SCAF11: variants seen among roughly 807,000 people sequenced by gnomAD.
SCAF11 encodes the protein SR-related CTD associated factor 11.
A neutral mutation model predicts 140.5 loss-of-function variants in SCAF11; 47 were observed. The observed-to-expected ratio is 0.33, with a 90% CI of 0.26 to 0.43. The LOEUF (loss-of-function observed/expected upper bound fraction) is 0.43, where lower values mean the gene tolerates loss of function less well. Ranked by LOEUF, SCAF11 falls within the 20% of genes least tolerant of loss-of-function variation. The probability of loss-of-function intolerance (pLI) is 1.00; values close to 1 mark genes in which losing one functional copy is unlikely to be tolerated. For synonymous variants in SCAF11, 557 were observed against 579.4 expected, an observed-to-expected ratio of 0.96 and a Z score of 0.55; for missense variants, 1,645 against 1,705.1, an observed-to-expected ratio of 0.96 and a Z score of 0.62.
chr12:45,933,683 C>T (rs1161839350), intron 8 of SCAF11, among the ~76,000 whole-genome samples: 1 of 152,044 alleles, frequency 6.6e-6, no homozygotes, highest in Admixed American at 6.6e-5. Context: ...TTTCTTGGTA[C>T]CTTGCCAAGT....
intron 1 of SCAF11, among the ~76,000 whole-genome samples, chr12:45,966,754 G>A (rs980705243): frequency 1.4e-4 from 22 of 152,118 alleles, no homozygotes; most frequent in African/African-American, 5.3e-4. Flanking sequence ...ACAAAGAGAT[G>A]AATGACTGGA....
At position 45,926,155 on chromosome 12, in the gene SCAF11, TTCC is replaced by T. The variant is rs754630231; in HGVS notation, c.3543_3545del (p.Glu1182del). 9.2e-5 allele frequency: 149 copies of T among 1,611,684 alleles called. 3 individuals are homozygous for T. In the South Asian group the frequency reaches 1.5e-3, roughly 16 times the overall value. On this transcript the variant is annotated inframe_deletion, in exon 11 of 15. Coordinates refer to ENST00000369367, the MANE Select transcript of SCAF11 (RefSeq NM_004719.3). The stretch of plus-strand genomic sequence containing the variant: ...AGAATACATTACCCTGTCCAGATGT[TTCC>T]TCCTCTTGTTTCATCCATCCAGACT...
At chr12:45,972,865 GATAT>G (rs200069087) in intron 1 of SCAF11, among the ~76,000 whole-genome samples, 4 of 83,644 alleles carry the variant, frequency 4.8e-5, no homozygotes, top group Non-Finnish European at 9.4e-5. Context: ...TATATATATC[GATAT>G]ATATATATAT....
rs753941182 is a variant in SCAF11 at position 45,928,714 on chromosome 12, A to C, written c.987T>G (p.Ala329=). Residue 329 remains alanine, a synonymous_variant, in exon 11 of 15, where the codon GCT becomes GCG. Coordinates refer to ENST00000369367, the MANE Select transcript of SCAF11 (RefSeq NM_004719.3). ...PTRRSTRNTR[A]ETASQSQRSP... is the part of the protein sequence containing the mutation. ...ATCTCTGAGACTGACTGGCTGTTTC[A>C]GCTCTTGTGTTACGTGTAGACCTCC... 1 of 1,614,014 alleles carries C rather than the reference A, an allele frequency of 6.2e-7. No individual in the cohort carries two copies. The highest frequency in any genetic ancestry group is 1.1e-5 in the South Asian group (1 of 91,080).
intron 4 of SCAF11, 146 bp downstream of exon 4, chr12:45,951,504 G>T: frequency 2.0e-6 from 1 of 500,544 alleles, no homozygotes; most frequent in Non-Finnish European, 3.6e-6. Context: ...TAGTTGAAAG[G>T]TATAAATTTA....
intron 6 of SCAF11, among the ~76,000 whole-genome samples, chr12:45,936,143 TTTTG>T (rs1227104797): frequency 6.6e-6 from 1 of 151,576 alleles, no homozygotes. Context: ...GTGTGGTTTT[TTTTG>T]TTTTTTTTTT....
rs1333105366 is a variant in SCAF11 at position 45,920,996 on chromosome 12, T to A, written c.*1052A>T. On this transcript the variant is annotated 3_prime_UTR_variant, in exon 15 of 15. Transcript: ENST00000369367. ...AAGTCAACACTTTTTTTTTTCTTTT[T>A]TTTGAGACGGAGATTTGCTCCTGTT... 6.6e-6 allele frequency: 1 copy of A among 152,130 alleles called. No individual in the cohort carries two copies. The highest frequency in any genetic ancestry group is 1.9e-4 in the East Asian group (1 of 5,198). The allele number at this position is 152,130 out of a possible 1,614,324, so 9.4% of individuals were successfully genotyped here.
intron 1 of SCAF11, among the ~76,000 whole-genome samples, chr12:45,983,812 G>A (rs1233311834): frequency 1.4e-5 from 2 of 146,258 alleles, no homozygotes; most frequent in African/African-American, 5.0e-5. Context: ...TTACCTTACT[G>A]TCAAAATTAC....
At chr12:45,960,158 A>G (rs2136608296) in intron 3 of SCAF11, among the ~76,000 whole-genome samples, 1 of 152,294 alleles carries the variant, frequency 6.6e-6, no homozygotes, top group East Asian at 1.9e-4. Flanking sequence ...CTCTAGATAC[A>G]TACCCTAGAG....
Position 45,921,987 on chromosome 12 carries a change from G to C in SCAF11, c.*61C>G. The C allele has an allele frequency of 6.5e-7, 1 of 1,529,564 alleles. No homozygotes were observed. The highest frequency in any genetic ancestry group is 1.4e-5 in the African/African-American group (1 of 71,846). 94.7% of individuals were successfully genotyped at this position (1,529,564 alleles called of 1,614,324 possible). On this transcript the variant is annotated 3_prime_UTR_variant, in exon 15 of 15. Coordinates refer to ENST00000369367, the MANE Select transcript of SCAF11 (RefSeq NM_004719.3). ...AGTTATGTATGATTTTCAGTTAATG[G>C]TACATGTTGAAATTGCACTTTGCAG...
In SCAF11 at chr12:45,923,919, C is replaced by T. The variant is rs192027980; in HGVS notation, c.3907-765G>A. ...AGGCTGGAGTGCAGTGGTGCAATCT[C>T]GGCTCACTGCAACCTCCGCCTCCTG... is the stretch of plus-strand genomic sequence containing the variant. On this transcript the variant is annotated intron_variant, in intron 12 of 14. Transcript: ENST00000369367. Among the ~76,000 whole-genome samples the T allele has an allele frequency of 6.1e-3, 931 of 151,956 alleles. 4 individuals carry two copies. Among genetic ancestry groups the T allele is most frequent in the Non-Finnish European group, 1.0e-2 (678 of 67,962 alleles).
chr12:45,924,404 G>T (rs550549884), intron 12 of SCAF11, among the ~76,000 whole-genome samples: 2 of 151,972 alleles, frequency 1.3e-5, no homozygotes, highest in South Asian at 4.1e-4. Context: ...CAAAACAGGG[G>T]AAAAATGTAA....
intron 2 of SCAF11, 81 bp downstream of exon 2, chr12:45,964,026 T>A: frequency 1.4e-6 from 1 of 717,426 alleles, no homozygotes; most frequent in Non-Finnish European, 2.4e-6. Flanking sequence ...CTCCTGTGTA[T>A]TCTGAAATGT....
chr12:45,929,066 C>G, intron 10 of SCAF11: 1 of 331,662 alleles, frequency 3.0e-6, no homozygotes. Flanking sequence ...TAAGTTATAA[C>G]TAGATTTGGT....
At chr12:45,977,291 A>G (rs757249326) in intron 1 of SCAF11, among the ~76,000 whole-genome samples, 2 of 152,214 alleles carry the variant, frequency 1.3e-5, no homozygotes, top group African/African-American at 2.4e-5. Flanking sequence ...CTAGCATTTC[A>G]TTCAACAAAT....
In SCAF11 at chr12:45,921,149, A is replaced by C. The variant is rs975059006; in HGVS notation, c.*899T>G. 6.6e-6 allele frequency: 1 copy of C among 152,060 alleles called. No individual in the cohort carries two copies. The highest frequency in any genetic ancestry group is 1.5e-5 in the Non-Finnish European group (1 of 68,068). 9.4% of individuals were successfully genotyped at this position (152,060 alleles called of 1,614,324 possible). A position where few individuals can be genotyped will look rare whatever the true frequency, so the allele number is the denominator to read the frequency against. Reference sequence around the variant, plus strand: ...AGGCGCCCACCACCACGCCTGGCTAATTTTTGTATTTTTAGTAGAGACGGG... The same window carrying C: ...AGGCGCCCACCACCACGCCTGGCTACTTTTTGTATTTTTAGTAGAGACGGG... On this transcript the variant is annotated 3_prime_UTR_variant, in exon 15 of 15. Transcript: ENST00000369367.
intron 3 of SCAF11, among the ~76,000 whole-genome samples, chr12:45,953,460 C>T (rs1945598175): frequency 6.6e-6 from 1 of 152,136 alleles, no homozygotes; most frequent in Non-Finnish European, 1.5e-5. Flanking sequence ...AGGAGGATCC[C>T]TTGAGCCTAG....
chr12:45,934,139 G>A (rs1945117642), intron 8 of SCAF11, 37 bp downstream of exon 8: 7 of 1,129,396 alleles, frequency 6.2e-6, no homozygotes, highest in Non-Finnish European at 8.9e-6. Context: ...TAAACATCAA[G>A]TATAAACAGC....
In SCAF11 at chr12:45,990,479, T is replaced by G; in HGVS notation, c.-148A>C. ...CCGCTTTGTGGTGTTACAGGGTCTC[T>G]AGGACACTGACTCCGCTGGCTCGGT... On this transcript the variant is annotated 5_prime_UTR_variant, in exon 1 of 15. Transcript: ENST00000369367. 1 of 1,231,006 alleles carries G rather than the reference T, an allele frequency of 8.1e-7. No homozygotes were observed. The highest frequency in any genetic ancestry group is 1.0e-6 in the Non-Finnish European group (1 of 987,796). 76.3% of individuals were successfully genotyped at this position (1,231,006 alleles called of 1,614,324 possible).
Sources: gnomAD v4.1 joint callset for allele counts (sites outside exome capture counted in the v4.1 genomes callset) on GRCh38, gnomAD v4.1.1 for gene constraint, MANE v1.5 for transcripts, NCBI Gene and HGNC (gene_info 2026-07-23, HGNC 2026-07-21) for gene names.